Variants in NRG3 observed in about 807,000 individuals in gnomAD.
NRG3 encodes the protein neuregulin 3, also known as pro-neuregulin-3, membrane-bound isoform.
Under a neutral mutation model 66.9 loss-of-function variants are expected in NRG3, and 31 were observed. That is an observed-to-expected ratio of 0.46 (90% confidence interval 0.35 to 0.63). The LOEUF (loss-of-function observed/expected upper bound fraction) is 0.63. Ranked by LOEUF, NRG3 falls within the 20% of genes least tolerant of loss-of-function variation. NRG3 has a pLI of 0.00. For missense variants in NRG3, 910 were observed against 878.9 expected (o/e 1.04, Z -0.45); for synonymous variants, 393 against 359.4 (o/e 1.09, Z -1.06).
chr10:82,765,503 A>T (rs780256892), intron 3 of NRG3, among the ~76,000 whole-genome samples: 5 of 152,172 alleles, frequency 3.3e-5, no homozygotes, highest in Non-Finnish European at 5.9e-5. Context: ...AAACTAAAGG[A>T]TGCTAATTAC....
At chr10:81,899,369 A>T (rs149489259) in intron 1 of NRG3, among the ~76,000 whole-genome samples, 1 of 152,348 alleles carries the variant, frequency 6.6e-6, no homozygotes, top group African/African-American at 2.4e-5. Flanking sequence ...GTCAACAGAT[A>T]TGAAGATAGT....
intron 1 of NRG3, chr10:82,230,082 A>T (rs1383340395): frequency 1.3e-5 from 2 of 152,210 alleles, no homozygotes; most frequent in African/African-American, 4.8e-5. Flanking sequence ...AAATGTTTAA[A>T]GTTACTTTTT....
intron 2 of NRG3, among the ~76,000 whole-genome samples, chr10:82,610,158 C>A (rs779058486): frequency 2.0e-5 from 3 of 152,210 alleles, no homozygotes; most frequent in Non-Finnish European, 4.4e-5. Flanking sequence ...GTCTCCAAAC[C>A]AGCAACCAGG....
At chr10:82,160,648 A>G (rs1043236648) in intron 1 of NRG3, among the ~76,000 whole-genome samples, 3 of 152,014 alleles carry the variant, frequency 2.0e-5, no homozygotes, top group Admixed American at 2.0e-4. Flanking sequence ...GAGAGACAAG[A>G]ACCCTATCAA....
chr10:82,412,561 G>A (rs2088182667), intron 2 of NRG3, among the ~76,000 whole-genome samples: 1 of 152,144 alleles, frequency 6.6e-6, no homozygotes, highest in Admixed American at 6.6e-5. Context: ...GGTGGTGGTT[G>A]CTGAAGGTTA....
At chr10:82,333,050 A>T (rs975775482) in intron 1 of NRG3, among the ~76,000 whole-genome samples, 1 of 152,246 alleles carries the variant, frequency 6.6e-6, no homozygotes, top group East Asian at 1.9e-4. Context: ...TTGCATAAGG[A>T]AAACAGTCTG....
intron 3 of NRG3, among the ~76,000 whole-genome samples, chr10:82,860,241 C>T (rs962935755): frequency 6.6e-6 from 1 of 152,142 alleles, no homozygotes; most frequent in Non-Finnish European, 1.5e-5. Flanking sequence ...GCCCCGCTAC[C>T]TAGCTTATAT....
At chr10:82,897,656 T>C (rs1400664586) in intron 4 of NRG3, among the ~76,000 whole-genome samples, 1 of 152,030 alleles carries the variant, frequency 6.6e-6, no homozygotes, top group East Asian at 1.9e-4. Context: ...GTAGCTGGGA[T>C]TATAGATGTG....
chr10:81,894,608 C>T (rs1843347379), intron 1 of NRG3, among the ~76,000 whole-genome samples: 1 of 152,166 alleles, frequency 6.6e-6, no homozygotes, highest in Non-Finnish European at 1.5e-5. Flanking sequence ...ATAATAGGAG[C>T]AGAAACACAC....
chr10:82,332,619 G>A (rs1390941666), intron 1 of NRG3, among the ~76,000 whole-genome samples: 1 of 152,110 alleles, frequency 6.6e-6, no homozygotes, highest in African/African-American at 2.4e-5. Context: ...TGATAACTAG[G>A]CTTTGGTGAA....
At chr10:82,142,800 C>A in intron 1 of NRG3, among the ~76,000 whole-genome samples, 1 of 127,606 alleles carries the variant, frequency 7.8e-6, no homozygotes, top group East Asian at 2.4e-4. Context: ...CAGAGCAAGA[C>A]TCTATCTATC....
chr10:82,013,971 A>G (rs2061684809), intron 1 of NRG3, among the ~76,000 whole-genome samples: 1 of 152,144 alleles, frequency 6.6e-6, no homozygotes, highest in African/African-American at 2.4e-5. Flanking sequence ...TCAGGCATTT[A>G]CCTTCCTAGC....
chr10:82,733,429 C>G (rs575125407), intron 2 of NRG3, among the ~76,000 whole-genome samples: 1 of 152,132 alleles, frequency 6.6e-6, no homozygotes, highest in Admixed American at 6.5e-5. Flanking sequence ...AATAATTTTC[C>G]TAAAATATAC....
rs183039113 is a variant in NRG3, at chr10:82,806,516, A to G, written c.1028-58895A>G. ...GAGCTAGGCTTCTACTCACGGACCT[A>G]CAATTAATGTGAGAAGTGAAGCTAA... On this transcript the variant is annotated intron_variant, in intron 3 of 8. Transcript: ENST00000372141. 1.2e-4 allele frequency among the ~76,000 whole-genome samples: 19 copies of G among 152,376 alleles called. No homozygotes were observed. In the East Asian group the frequency reaches 3.5e-3, roughly 28 times the overall value.
chr10:82,116,242 C>T (rs1302102894), intron 1 of NRG3, among the ~76,000 whole-genome samples: 4 of 151,886 alleles, frequency 2.6e-5, no homozygotes, highest in Non-Finnish European at 5.9e-5. Flanking sequence ...ATATAGTATC[C>T]CTTTATTTAT....
At chr10:82,008,936 A>G (rs2061476416) in intron 1 of NRG3, among the ~76,000 whole-genome samples, 2 of 152,168 alleles carry the variant, frequency 1.3e-5, no homozygotes, top group Admixed American at 6.5e-5. Flanking sequence ...GCCAGGGCCT[A>G]TATATGGAGA....
chr10:82,092,913 T>G lies in NRG3; in HGVS notation c.823+216750T>G, dbSNP rs552230146. Among the ~76,000 whole-genome samples the G allele has an allele frequency of 2.6e-5, 4 of 152,280 alleles. No homozygotes were observed. In the East Asian group the frequency reaches 7.7e-4, roughly 29 times the overall value. On this transcript the variant is annotated intron_variant, in intron 1 of 8. Coordinates refer to ENST00000372141, the MANE Select transcript of NRG3 (RefSeq NM_001010848.4). The stretch of plus-strand genomic sequence containing the variant: ...TGGAACATAAAGGGGTGAGGGAAAC[T>G]GGTGCAAACATGAAGTGCATATTAC...
chr10:82,485,310 C>G (rs577529366), intron 2 of NRG3, among the ~76,000 whole-genome samples: 1 of 151,794 alleles, frequency 6.6e-6, no homozygotes, highest in East Asian at 1.9e-4. Context: ...TAAATGATCT[C>G]CTATTTATAA....
At chr10:82,012,873 A>C (rs1041086285) in intron 1 of NRG3, among the ~76,000 whole-genome samples, 2 of 152,224 alleles carry the variant, frequency 1.3e-5, no homozygotes, top group Non-Finnish European at 2.9e-5. Flanking sequence ...TACCACTGTC[A>C]GCATTTTGGT....
Sources: allele counts gnomAD v4.1 joint callset (sites outside exome capture counted in the v4.1 genomes callset), GRCh38; gene constraint gnomAD v4.1.1; transcripts MANE v1.5; gene names NCBI Gene and HGNC (gene_info 2026-07-23, HGNC 2026-07-21).